Variants in FAXC observed in about 807,000 individuals in gnomAD.
The protein encoded by FAXC is failed axon connections homolog, metaxin like GST domain containing.
FAXC carries 10 observed loss-of-function variants against 41.9 expected under a neutral mutation model. That is an observed-to-expected ratio of 0.24 (90% CI 0.15 to 0.41). The LOEUF (loss-of-function observed/expected upper bound fraction) is 0.41, where lower values mean the gene tolerates loss of function less well. FAXC is among the 10% of genes least tolerant of loss of function. The probability of loss-of-function intolerance (pLI) is 1.00; values close to 1 mark genes in which losing one functional copy is unlikely to be tolerated. For missense variants in FAXC, 399 were observed against 510.9 expected (o/e 0.78, Z 2.11); for synonymous variants, 183 against 183.8 (o/e 1.00, Z 0.03).
intron 2 of FAXC, among the ~76,000 whole-genome samples, chr6:99,337,186 A>G (rs1182696002): frequency 6.6e-6 from 1 of 152,066 alleles, no homozygotes; most frequent in African/African-American, 2.4e-5. Flanking sequence ...AGGAGGAGAC[A>G]TTAACCATTC....
At chr6:99,317,300 A>G (rs2128458259) in intron 4 of FAXC, among the ~76,000 whole-genome samples, 1 of 152,268 alleles carries the variant, frequency 6.6e-6, no homozygotes, top group African/African-American at 2.4e-5. Context: ...AAGCCTCCCG[A>G]TGAAGGGCAC....
upstream of FAXC, chr6:99,349,930 C>T (rs1036403094): frequency 5.3e-5 from 8 of 152,142 alleles, no homozygotes; most frequent in Non-Finnish European, 7.3e-5. Flanking sequence ...GGGCCCGGAT[C>T]CCGGTCCTCC....
chr6:99,344,662 G>A (rs9321491), intron 1 of FAXC, among the ~76,000 whole-genome samples: 57,728 of 152,012 alleles, frequency 0.38, 11,366 homozygotes, highest in South Asian at 0.56. Flanking sequence ...TGGAATGTTC[G>A]AGAAGTCAGG....
At chr6:99,295,516 C>T (rs1022140650) in intron 4 of FAXC, among the ~76,000 whole-genome samples, 17 of 152,268 alleles carry the variant, frequency 1.1e-4, no homozygotes, top group South Asian at 4.1e-4. Flanking sequence ...ACCTGAGTAA[C>T]GACGACAGAT....
At position 99,332,062 on chromosome 6, in the gene FAXC, C is replaced by G. The variant is rs547422739; in HGVS notation, c.599+1289G>C. 2.5e-4 allele frequency among the ~76,000 whole-genome samples: 38 copies of G among 152,318 alleles called. No individual in the cohort carries two copies. In the South Asian group the frequency reaches 7.9e-3, roughly 32 times the overall value. On this transcript the variant is annotated intron_variant, in intron 3 of 5. Transcript: ENST00000389677. ...CCTGTCTCCAGCCTCTCCCCAGCCC[C>G]CTCCTTGCTGCCTACTCTATCACCT...
rs1045025726 is a variant in FAXC, at chr6:99,344,282, C to A, written c.267-1249G>T. The stretch of plus-strand genomic sequence containing the variant: ...ATCATTCCACACAGCCCCACTCATA[C>A]CCCACTCCTCGGGACCCTTTTGCAA... On this transcript the variant is annotated intron_variant, in intron 1 of 5. Transcript: ENST00000389677. Among the ~76,000 whole-genome samples the A allele has an allele frequency of 2.0e-5, 3 of 152,306 alleles. No individual in the cohort carries two copies. In the South Asian group the frequency reaches 6.2e-4, roughly 32 times the overall value.
chr6:99,312,978 T>C (rs1487023419), intron 4 of FAXC, among the ~76,000 whole-genome samples: 1 of 152,206 alleles, frequency 6.6e-6, no homozygotes, highest in Non-Finnish European at 1.5e-5. Context: ...CCTCATTTTT[T>C]AGCTTGCATT....
At chr6:99,289,221 C>T (rs1562151597) in intron 5 of FAXC, among the ~76,000 whole-genome samples, 1 of 152,204 alleles carries the variant, frequency 6.6e-6, no homozygotes, top group Non-Finnish European at 1.5e-5. Context: ...CCCCCAGGCA[C>T]TTGCTTAGGT....
intron 4 of FAXC, among the ~76,000 whole-genome samples, chr6:99,319,192 T>A (rs971039918): frequency 6.6e-6 from 1 of 151,914 alleles, no homozygotes. Flanking sequence ...GGTCGAGAGA[T>A]CGAGACCATC....
At chr6:99,288,992 T>C (rs911943254) in intron 5 of FAXC, among the ~76,000 whole-genome samples, 2 of 152,042 alleles carry the variant, frequency 1.3e-5, no homozygotes, top group Admixed American at 6.6e-5. Context: ...GTTCCATCCA[T>C]CCATCCATTC....
rs1399738435 is a variant in FAXC, at chr6:99,275,377, T to A, written c.*5787A>T. 6 of 152,268 alleles carry A rather than the reference T, an allele frequency of 3.9e-5. No individual in the cohort carries two copies. 9.4% of individuals were successfully genotyped at this position (152,268 alleles called of 1,614,324 possible). ...TACTCCAGATTACTTGTTTTCCTACTGAAATGGTCAGTTTGGTGCTGCTAG... is the reference window on the plus strand; with the variant it reads ...TACTCCAGATTACTTGTTTTCCTACAGAAATGGTCAGTTTGGTGCTGCTAG... On this transcript the variant is annotated 3_prime_UTR_variant, in exon 6 of 6. Transcript: ENST00000389677.
intron 4 of FAXC, among the ~76,000 whole-genome samples, chr6:99,303,946 T>C (rs1353168559): frequency 1.3e-5 from 2 of 152,218 alleles, no homozygotes; most frequent in Admixed American, 1.3e-4. Flanking sequence ...CATTCAATCC[T>C]GAGCTTTTAT....
chr6:99,294,979 C>T (rs1177668016), intron 4 of FAXC, among the ~76,000 whole-genome samples: 1 of 152,146 alleles, frequency 6.6e-6, no homozygotes, highest in Non-Finnish European at 1.5e-5. Flanking sequence ...GACTTCTGGC[C>T]GATGCTCTCG....
At chr6:99,341,494 A>T (rs1773426202) in intron 2 of FAXC, among the ~76,000 whole-genome samples, 1 of 152,174 alleles carries the variant, frequency 6.6e-6, no homozygotes, top group South Asian at 2.1e-4. Context: ...CAAGTTTTTT[A>T]AAAAATAGGA....
rs138795450 is a variant in FAXC, at chr6:99,272,336, C to T, written c.*8828G>A. ...GATTACAGGCATGCACCACCATGCC[C>T]GGCTAATTTTGTATTTTTAGTAGAG... On this transcript the variant is annotated 3_prime_UTR_variant, in exon 6 of 6. Transcript: ENST00000389677. 9,227 of 152,022 alleles carry T rather than the reference C, an allele frequency of 0.061. 502 individuals carry two copies. Among genetic ancestry groups the T allele is most frequent in the Admixed American group, 0.18 (2,805 of 15,250 alleles). The allele number at this position is 152,022 out of a possible 1,614,324, so 9.4% of individuals were successfully genotyped here. A position where few individuals can be genotyped will look rare whatever the true frequency, so the allele number is the denominator to read the frequency against.
rs143699593 is a variant in FAXC at position 99,287,836 on chromosome 6, A to T, written c.940+3868T>A. On this transcript the variant is annotated intron_variant, in intron 5 of 5. Transcript: ENST00000389677. ...ATTACAGCAGTAGTAGTTTGGCTGC[A>T]TGTTATCAGCTCCCCTCCAAAGATT... is the stretch of plus-strand genomic sequence containing the variant. 1.1e-4 allele frequency among the ~76,000 whole-genome samples: 17 copies of T among 152,300 alleles called. No individual in the cohort carries two copies. The South Asian group carries it at 1.2e-3, about 11-fold the overall frequency.
intron 4 of FAXC, among the ~76,000 whole-genome samples, chr6:99,319,042 CAT>C (rs1402042192): frequency 6.6e-6 from 1 of 152,208 alleles, no homozygotes; most frequent in African/African-American, 2.4e-5. Context: ...AACCATTACA[CAT>C]AGTTATCTGC....
chr6:99,284,559 CTGTGTGTGTG>C (rs74553398), intron 5 of FAXC, among the ~76,000 whole-genome samples: 253 of 118,910 alleles, frequency 2.1e-3, no homozygotes, highest in African/African-American at 7.0e-3. Flanking sequence ...TGTGGAGTGT[CTGTGTGTGTG>C]TGTGTGTGTG....
intron 1 of FAXC, among the ~76,000 whole-genome samples, chr6:99,344,292 C>T (rs1270219528): frequency 6.6e-6 from 1 of 152,190 alleles, no homozygotes; most frequent in Non-Finnish European, 1.5e-5. Context: ...CCCCACTCCT[C>T]GGGACCCTTT....
Sources: gnomAD v4.1 joint callset for allele counts (sites outside exome capture counted in the v4.1 genomes callset) on GRCh38, gnomAD v4.1.1 for gene constraint, MANE v1.5 for transcripts, NCBI Gene and HGNC (gene_info 2026-07-23, HGNC 2026-07-21) for gene names.